Variants in CDC42SE2 observed in about 807,000 individuals in gnomAD.
CDC42SE2 encodes CDC42 small effector protein 2.
A neutral mutation model predicts 11.5 loss-of-function variants in CDC42SE2; 3 were observed. That is an observed-to-expected ratio of 0.26 (90% CI 0.12 to 0.67). CDC42SE2 has a LOEUF of 0.67. Among genes scored for constraint, CDC42SE2 ranks in the 30% least tolerant of loss-of-function variants. CDC42SE2 has a pLI of 0.80. For missense variants in CDC42SE2, 82 were observed against 106.8 expected, an observed-to-expected ratio of 0.77 and a Z score of 1.02; for synonymous variants, 33 against 34.8, an observed-to-expected ratio of 0.95 and a Z score of 0.18.
chr5:131,239,744 T>C, the CDC42SE2 span, among the ~76,000 whole-genome samples: 20 of 152,302 alleles, frequency 1.3e-4, no homozygotes, highest in Middle Eastern at 3.4e-3. Flanking sequence ...TCCCTCACCA[T>C]AGGGGTAGAA....
intron 2 of CDC42SE2, among the ~76,000 whole-genome samples, chr5:131,344,740 GAC>G (rs1758798516): frequency 3.3e-5 from 5 of 152,222 alleles, no homozygotes; most frequent in Admixed American, 3.3e-4. Context: ...CTAACTGGGA[GAC>G]ACATCCCAGT....
chr5:131,356,095 T>C (rs1250358019), intron 2 of CDC42SE2, among the ~76,000 whole-genome samples: 3 of 152,198 alleles, frequency 2.0e-5, no homozygotes, highest in East Asian at 1.9e-4. Flanking sequence ...TAAAATCTTA[T>C]GTCTTATGAA....
chr5:131,268,054 CTTTTTTTTTTTTTTTTTT>C (rs148354795), intron 1 of CDC42SE2, among the ~76,000 whole-genome samples: 1 of 65,476 alleles, frequency 1.5e-5, no homozygotes, highest in Admixed American at 1.7e-4. Flanking sequence ...CATGCTTATT[CTTTTTTTTTTTTTTTTTT>C]TTTTTTTTTG....
intron 2 of CDC42SE2, among the ~76,000 whole-genome samples, chr5:131,330,511 T>G (rs950001262): frequency 2.6e-5 from 4 of 152,196 alleles, no homozygotes; most frequent in Non-Finnish European, 4.4e-5. Flanking sequence ...CATGTACTTC[T>G]TTTTCAGTTC....
intron 3 of CDC42SE2, among the ~76,000 whole-genome samples, chr5:131,360,220 A>T (rs1749669511): frequency 1.3e-5 from 2 of 152,124 alleles, no homozygotes; most frequent in Non-Finnish European, 2.9e-5. Context: ...TCCTGGGTTC[A>T]AGTGATTCTC....
At chr5:131,375,033 T>C (rs1750112868) in intron 3 of CDC42SE2, among the ~76,000 whole-genome samples, 3 of 80,252 alleles carry the variant, frequency 3.7e-5, no homozygotes, top group Non-Finnish European at 2.5e-5. Flanking sequence ...CTCCCCTCCT[T>C]TTTTTTTTTT....
intron 2 of CDC42SE2, among the ~76,000 whole-genome samples, chr5:131,335,886 G>T (rs1402547316): frequency 6.6e-6 from 1 of 152,182 alleles, no homozygotes; most frequent in African/African-American, 2.4e-5. Flanking sequence ...TGGGTCTCCT[G>T]AATACAGCAC....
intron 2 of CDC42SE2, among the ~76,000 whole-genome samples, chr5:131,351,421 A>AT (rs544467899): frequency 6.6e-6 from 1 of 151,884 alleles, no homozygotes; most frequent in East Asian, 1.9e-4. Context: ...CGCCCAGCAA[A>AT]TTTTTTGTAT....
At chr5:131,319,348 G>T (rs1580751580) in intron 2 of CDC42SE2, among the ~76,000 whole-genome samples, 1 of 152,070 alleles carries the variant, frequency 6.6e-6, no homozygotes, top group African/African-American at 2.4e-5. Flanking sequence ...TTACCCTAGG[G>T]CCATAGAAAG....
intron 3 of CDC42SE2, among the ~76,000 whole-genome samples, chr5:131,375,235 G>C (rs1459675689): frequency 8.0e-6 from 1 of 124,594 alleles, no homozygotes; most frequent in Non-Finnish European, 1.5e-5. Flanking sequence ...TTTGCTTAGA[G>C]ATTCTTTTTA....
In CDC42SE2 at chr5:131,391,631, C is replaced by T. The variant is rs1191895455; in HGVS notation, c.*540C>T. On this transcript the variant is annotated 3_prime_UTR_variant, in exon 5 of 5. Transcript: ENST00000505065. ...GGGTTGCAGTCAGCTGAGAATGCGC[C>T]ACTGCGCTCCAGCCTGGGTGACAGA... 1.3e-5 allele frequency: 2 copies of T among 152,350 alleles called. No individual in the cohort carries two copies. The highest frequency in any genetic ancestry group is 2.9e-5 in the Non-Finnish European group (2 of 68,134). 9.4% of individuals were successfully genotyped at this position (152,350 alleles called of 1,614,324 possible). A position where few individuals can be genotyped will look rare whatever the true frequency, so the allele number is the denominator to read the frequency against.
At chr5:131,221,630 GA>G in the CDC42SE2 span, among the ~76,000 whole-genome samples, 2 of 151,606 alleles carry the variant, frequency 1.3e-5, no homozygotes, top group Non-Finnish European at 2.9e-5. Context: ...AGTGGCTCTA[GA>G]ATACCCATTC....
intron 3 of CDC42SE2, among the ~76,000 whole-genome samples, chr5:131,384,042 T>TA (rs1750401897): frequency 6.6e-6 from 1 of 152,118 alleles, no homozygotes; most frequent in African/African-American, 2.4e-5. Flanking sequence ...ACTAACAGAA[T>TA]AAAACTTTTC....
chr5:131,338,988 C>G (rs1758643069), intron 2 of CDC42SE2, among the ~76,000 whole-genome samples: 1 of 152,028 alleles, frequency 6.6e-6, no homozygotes, highest in African/African-American at 2.4e-5. Context: ...TGGCTCACAC[C>G]TGTAAACCCA....
chr5:131,311,934 T>C (rs1757926199), intron 1 of CDC42SE2, among the ~76,000 whole-genome samples: 1 of 152,228 alleles, frequency 6.6e-6, no homozygotes, highest in South Asian at 2.1e-4. Flanking sequence ...GAAGCCTTCT[T>C]CACTCAGCTC....
At chr5:131,320,124 C>G (rs1300987618) in intron 2 of CDC42SE2, among the ~76,000 whole-genome samples, 1 of 148,852 alleles carries the variant, frequency 6.7e-6, no homozygotes, top group Non-Finnish European at 1.5e-5. Flanking sequence ...GTGGCTAACA[C>G]CTGTAACCCG....
intron 3 of CDC42SE2, among the ~76,000 whole-genome samples, chr5:131,383,319 C>T: frequency 6.6e-6 from 1 of 152,130 alleles, no homozygotes; most frequent in East Asian, 1.9e-4. Flanking sequence ...TAGACAAAAG[C>T]CTCTTTTGAC....
chr5:131,381,669 C>T (rs905903229), intron 3 of CDC42SE2, among the ~76,000 whole-genome samples: 1 of 152,210 alleles, frequency 6.6e-6, no homozygotes, highest in Non-Finnish European at 1.5e-5. Flanking sequence ...AATCTATCCA[C>T]TTCTATCTGT....
At chr5:131,349,494 A>G (rs968761788) in intron 2 of CDC42SE2, among the ~76,000 whole-genome samples, 1 of 152,246 alleles carries the variant, frequency 6.6e-6, no homozygotes, top group South Asian at 2.1e-4. Context: ...TATAATAATA[A>G]TAAAAATTTC....
Sources: gnomAD v4.1 joint callset for allele counts (sites outside exome capture counted in the v4.1 genomes callset) on GRCh38, gnomAD v4.1.1 for gene constraint, MANE v1.5 for transcripts, NCBI Gene and HGNC (gene_info 2026-07-23, HGNC 2026-07-21) for gene names.